The following MEF2C variants were observed in gnomAD, a reference collection of about 807,000 sequenced individuals.
MEF2C encodes the protein myocyte enhancer factor 2C.
A neutral mutation model predicts 50.5 loss-of-function variants in MEF2C; 6 were observed. The ratio of observed to expected loss-of-function variants is 0.12; its 90% CI spans 0.07 to 0.23. The LOEUF (loss-of-function observed/expected upper bound fraction) is 0.23, where lower values mean the gene tolerates loss of function less well. Ranked by LOEUF, MEF2C falls within the 10% of genes least tolerant of loss-of-function variation. MEF2C has a pLI of 1.00. For missense variants in MEF2C, 276 were observed against 605.0 expected (o/e 0.46, Z 5.70); for synonymous variants, 183 against 228.0 (o/e 0.80, Z 1.78).
At chr5:88,871,605 T>C (rs115576742) in intron 1 of MEF2C, among the ~76,000 whole-genome samples, 348 of 152,188 alleles carry the variant, frequency 2.3e-3, no homozygotes, top group African/African-American at 7.7e-3. Flanking sequence ...ACTGGGCATG[T>C]CTCATCAATA....
intron 6 of MEF2C, chr5:88,743,165 T>G (rs1767663963): frequency 1.1e-6 from 1 of 919,254 alleles, no homozygotes. Flanking sequence ...AATTATATCT[T>G]TATACTAACA....
At chr5:88,851,916 A>G (rs1821508692) in intron 1 of MEF2C, among the ~76,000 whole-genome samples, 2 of 152,316 alleles carry the variant, frequency 1.3e-5, no homozygotes, top group Admixed American at 6.5e-5. Flanking sequence ...AATGCAATCA[A>G]TACAATCAGA....
chr5:88,733,155 A>G, intron 6 of MEF2C: 1 of 985,382 alleles, frequency 1.0e-6, no homozygotes. Flanking sequence ...ATCCAATAAA[A>G]GATTCACAGA....
intron 2 of MEF2C, among the ~76,000 whole-genome samples, chr5:88,810,441 T>C (rs700590): frequency 0.5 from 76,099 of 151,860 alleles, 20,509 homozygotes; most frequent in African/African-American, 0.69. Context: ...AGATGAAAGA[T>C]AAAAAAGTCT....
intron 1 of MEF2C, among the ~76,000 whole-genome samples, chr5:88,865,894 CT>C (rs373415690): frequency 0.017 from 2,509 of 143,878 alleles, 14 homozygotes; most frequent in Non-Finnish European, 0.024. Context: ...CATTTCTTTT[CT>C]TTTTTTTTTT....
intron 1 of MEF2C, among the ~76,000 whole-genome samples, chr5:88,870,194 A>T (rs1259443696): frequency 6.6e-6 from 1 of 152,056 alleles, no homozygotes; most frequent in East Asian, 1.9e-4. Context: ...TTAATATAAT[A>T]CATTTCATAA....
chr5:88,729,439 A>G (rs773434996), intron 8 of MEF2C, 92 bp from the exon 9 acceptor site: 70 of 1,154,588 alleles, frequency 6.1e-5, no homozygotes, highest in Non-Finnish European at 8.2e-5. Flanking sequence ...TAAAGAGATA[A>G]CTTGGTACAA....
At chr5:88,876,068 T>G (rs1403623570) in intron 1 of MEF2C, among the ~76,000 whole-genome samples, 1 of 150,944 alleles carries the variant, frequency 6.6e-6, no homozygotes, top group African/African-American at 2.4e-5. Flanking sequence ...CTGGAGTTTT[T>G]TTTTTTTTTT....
chr5:88,729,450 A>C (rs1175810083), intron 8 of MEF2C, 103 bp from the exon 9 acceptor site: 3 of 1,043,618 alleles, frequency 2.9e-6, no homozygotes, highest in Non-Finnish European at 4.2e-6. Context: ...CTTGGTACAA[A>C]TCTCATGAAA....
chr5:88,820,522 A>C (rs1490668771), intron 2 of MEF2C, among the ~76,000 whole-genome samples: 1 of 152,022 alleles, frequency 6.6e-6, no homozygotes, highest in East Asian at 1.9e-4. Context: ...GTAATATTTC[A>C]TTTCACACTT....
At chr5:88,790,219 T>G (rs1793078359) in intron 3 of MEF2C, among the ~76,000 whole-genome samples, 1 of 152,240 alleles carries the variant, frequency 6.6e-6, no homozygotes, top group African/African-American at 2.4e-5. Context: ...AGAATTTCAG[T>G]TGTAAGAACC....
At chr5:88,738,716 A>G in intron 6 of MEF2C, 6 of 985,398 alleles carry the variant, frequency 6.1e-6, no homozygotes, top group Non-Finnish European at 7.2e-6. Flanking sequence ...GGGACAGGAC[A>G]GTCAAGGTTG....
intron 1 of MEF2C, among the ~76,000 whole-genome samples, chr5:88,853,874 CTA>C (rs961059450): frequency 2.7e-4 from 41 of 152,304 alleles, no homozygotes; most frequent in African/African-American, 9.4e-4. Context: ...ATAAGATGTA[CTA>C]TGTCTCCTAA....
chr5:88,860,963 A>T (rs937839625), intron 1 of MEF2C, among the ~76,000 whole-genome samples: 3 of 152,188 alleles, frequency 2.0e-5, no homozygotes, highest in Non-Finnish European at 4.4e-5. Flanking sequence ...GAGTCTATTT[A>T]TAAAGTTCAT....
At chr5:88,751,071 T>C in intron 5 of MEF2C, 1 of 983,006 alleles carries the variant, frequency 1.0e-6, no homozygotes, top group Non-Finnish European at 1.2e-6. Context: ...TGGTTCCTAC[T>C]GTTAGTTTAG....
At chr5:88,849,937 T>G (rs909822345) in intron 1 of MEF2C, among the ~76,000 whole-genome samples, 3 of 152,192 alleles carry the variant, frequency 2.0e-5, no homozygotes, top group Non-Finnish European at 4.4e-5. Context: ...AATTTATTTT[T>G]TTTGTTTGTT....
At chr5:88,837,144 C>T (rs1297192998) in intron 1 of MEF2C, among the ~76,000 whole-genome samples, 1 of 151,996 alleles carries the variant, frequency 6.6e-6, no homozygotes, top group Non-Finnish European at 1.5e-5. Flanking sequence ...TCAGATATCC[C>T]TTGGAAATGC....
Position 88,791,579 on chromosome 5 carries a change from T to C in MEF2C, c.258+13019A>G, listed in dbSNP as rs183550495. 2.1e-3 allele frequency among the ~76,000 whole-genome samples: 322 copies of C among 152,264 alleles called. 1 individual carries two copies. Among genetic ancestry groups the C allele is most frequent in the African/African-American group, 7.5e-3 (313 of 41,568 alleles). On this transcript the variant is annotated intron_variant, in intron 3 of 10. Transcript: ENST00000504921. ...TGTTCAACAATGATTATTTTCTTAATAAATGAGATGTGAAGCAGCTCTTCG... is the reference window on the plus strand; with the variant it reads ...TGTTCAACAATGATTATTTTCTTAACAAATGAGATGTGAAGCAGCTCTTCG...
chr5:88,869,525 TGAA>T (rs1828849320), intron 1 of MEF2C, among the ~76,000 whole-genome samples: 1 of 151,486 alleles, frequency 6.6e-6, no homozygotes, highest in African/African-American at 2.4e-5. Flanking sequence ...TTAAATACCA[TGAA>T]CTGTACACAA....
Sources: gnomAD v4.1 joint callset for allele counts (sites outside exome capture counted in the v4.1 genomes callset) on GRCh38, gnomAD v4.1.1 for gene constraint, MANE v1.5 for transcripts, NCBI Gene and HGNC (gene_info 2026-07-23, HGNC 2026-07-21) for gene names.